Variants in NAV2 observed in about 807,000 individuals in gnomAD.
NAV2 encodes the protein helicase, APC down-regulated 1.
Under a neutral mutation model 223.2 loss-of-function variants are expected in NAV2, and 54 were observed. The ratio of observed to expected loss-of-function variants is 0.24; its 90% confidence interval spans 0.19 to 0.30. The LOEUF (loss-of-function observed/expected upper bound fraction) is 0.30. Among genes scored for constraint, NAV2 ranks in the 10% least tolerant of loss-of-function variants. The probability of loss-of-function intolerance (pLI) is 1.00; values close to 1 mark genes in which losing one functional copy is unlikely to be tolerated. For missense variants in NAV2, 2,806 were observed against 3,147.5 expected (o/e 0.89, Z 2.60); for synonymous variants, 1,279 against 1,239.3 (o/e 1.03, Z -0.67).
intron 1 of NAV2, among the ~76,000 whole-genome samples, chr11:19,700,427 C>A (rs2049477794): frequency 6.6e-6 from 1 of 152,160 alleles, no homozygotes; most frequent in African/African-American, 2.4e-5. Flanking sequence ...AGGAGGTGGG[C>A]CTTATTACCA....
At chr11:19,467,655 T>C (rs947108649) in intron 1 of NAV2, among the ~76,000 whole-genome samples, 16 of 152,336 alleles carry the variant, frequency 1.1e-4, no homozygotes, top group Non-Finnish European at 1.9e-4. Context: ...TGAGGATCTG[T>C]GGACCTCTCA....
chr11:19,367,272 T>G (rs1848319547), intron 1 of NAV2, among the ~76,000 whole-genome samples: 1 of 152,198 alleles, frequency 6.6e-6, no homozygotes, highest in South Asian at 2.1e-4. Flanking sequence ...AAACCTTCTC[T>G]GCCTCCCACT....
At chr11:19,496,521 A>G (rs1023947024) in intron 1 of NAV2, among the ~76,000 whole-genome samples, 2 of 152,178 alleles carry the variant, frequency 1.3e-5, no homozygotes, top group Middle Eastern at 3.2e-3. Context: ...TGCTAACAAC[A>G]TGGTAGCTGA....
chr11:20,103,126 T>C, intron 32 of NAV2, 129 bp from the exon 33 acceptor site: 1 of 838,780 alleles, frequency 1.2e-6, no homozygotes, highest in African/African-American at 1.7e-5. Context: ...CCAGAATGTG[T>C]TTACAGCGCA....
At chr11:19,474,498 G>A (rs2042059008) in intron 1 of NAV2, among the ~76,000 whole-genome samples, 1 of 152,220 alleles carries the variant, frequency 6.6e-6, no homozygotes, top group Non-Finnish European at 1.5e-5. Context: ...TTTATAAACA[G>A]GAAACAAAAG....
chr11:19,999,743 G>A (rs2052356644), intron 11 of NAV2, among the ~76,000 whole-genome samples: 1 of 152,200 alleles, frequency 6.6e-6, no homozygotes, highest in Non-Finnish European at 1.5e-5. Context: ...GTAGAGGTCA[G>A]TTAACCATCC....
intron 3 of NAV2, among the ~76,000 whole-genome samples, chr11:19,864,219 AC>A (rs1380109391): frequency 6.6e-6 from 1 of 152,124 alleles, no homozygotes; most frequent in African/African-American, 2.4e-5. Flanking sequence ...AAACTATTAA[AC>A]CATAAGAACT....
At chr11:19,537,846 CA>C (rs2044232341) in intron 1 of NAV2, among the ~76,000 whole-genome samples, 1 of 152,154 alleles carries the variant, frequency 6.6e-6, no homozygotes, top group African/African-American at 2.4e-5. Context: ...GTTTGTTTAT[CA>C]GTAAAATGGA....
chr11:19,887,853 C>A (rs180861584), intron 5 of NAV2, among the ~76,000 whole-genome samples: 2 of 152,252 alleles, frequency 1.3e-5, no homozygotes, highest in East Asian at 3.9e-4. Flanking sequence ...TGACCGCCCC[C>A]CGCCAAACCC....
intron 1 of NAV2, among the ~76,000 whole-genome samples, chr11:19,590,951 C>G (rs1391597457): frequency 6.6e-6 from 1 of 152,196 alleles, no homozygotes; most frequent in Non-Finnish European, 1.5e-5. Context: ...CACTTCAATA[C>G]AGACATACTG....
At chr11:19,989,413 T>C (rs908050463) in intron 11 of NAV2, among the ~76,000 whole-genome samples, 14 of 152,168 alleles carry the variant, frequency 9.2e-5, no homozygotes, top group Admixed American at 9.2e-4. Context: ...CAGATGCTCC[T>C]AGAGCCTCCA....
chr11:20,033,783 C>T (rs982120833), intron 11 of NAV2, among the ~76,000 whole-genome samples: 1 of 151,740 alleles, frequency 6.6e-6, no homozygotes, highest in African/African-American at 2.4e-5. Context: ...AGGCAGGTAT[C>T]TTCCAAGCTG....
At chr11:20,106,077 A>T (rs1409214752) in intron 35 of NAV2, among the ~76,000 whole-genome samples, 1 of 149,868 alleles carries the variant, frequency 6.7e-6, no homozygotes, top group Non-Finnish European at 1.5e-5. Flanking sequence ...GAGAAAAAAG[A>T]TCACTAACCA....
At chr11:19,779,143 G>A (rs892796699) in intron 1 of NAV2, among the ~76,000 whole-genome samples, 1 of 152,142 alleles carries the variant, frequency 6.6e-6, no homozygotes, top group African/African-American at 2.4e-5. Flanking sequence ...GGGTCTGCCT[G>A]AATCTTTAGA....
Position 19,939,684 on chromosome 11 carries a change from A to T in NAV2, c.2057A>T (p.Asn686Ile), listed in dbSNP as rs1403388001. ...AGGTCTCAGACGGACACTGAAGGGA[A>T]TGTTACTGCCGAGTCAAGCTCAACA... ...LYRSQTDTEG[N>I]VTAESSSTGV... is the part of the protein sequence containing the mutation. The change falls in exon 8 of 38, where the codon AAT becomes ATT. Residue 686 changes from asparagine to isoleucine, a missense_variant. This residue lies in a region of NAV2 where 1,167 missense variants were observed against 1,180.5 expected (regional missense o/e 0.99). Transcript: ENST00000349880. The T allele has an allele frequency of 6.2e-7, 1 of 1,614,100 alleles. No homozygotes were observed. The highest frequency in any genetic ancestry group is 8.5e-7 in the Non-Finnish European group (1 of 1,179,994).
chr11:19,585,907 C>A lies in NAV2; in HGVS notation c.75+234880C>A, dbSNP rs563110947. On this transcript the variant is annotated intron_variant, in intron 1 of 37. Coordinates refer to the NAV2 transcript ENST00000360655. ...ATGTTTGTGGCATTCTCTGTATTTCCTGAATTTGAATATTGGCCTGCCTTG... is the reference window on the plus strand; with the variant it reads ...ATGTTTGTGGCATTCTCTGTATTTCATGAATTTGAATATTGGCCTGCCTTG... 5.3e-5 allele frequency among the ~76,000 whole-genome samples: 8 copies of A among 152,188 alleles called. 1 individual carries two copies. Among genetic ancestry groups the A allele is most frequent in the African/African-American group, 1.9e-4 (8 of 41,498 alleles).
chr11:19,541,046 C>T (rs536027395), intron 1 of NAV2, among the ~76,000 whole-genome samples: 1 of 152,180 alleles, frequency 6.6e-6, no homozygotes, highest in Non-Finnish European at 1.5e-5. Flanking sequence ...TGGTACTTCT[C>T]AAGTATTTGT....
intron 1 of NAV2, among the ~76,000 whole-genome samples, chr11:19,749,746 T>C (rs2053652102): frequency 6.6e-6 from 1 of 152,224 alleles, no homozygotes; most frequent in Admixed American, 6.5e-5. Flanking sequence ...AAGCAATTTC[T>C]GGGATCACAG....
At chr11:20,057,142 C>A (rs1469892269) in intron 19 of NAV2, among the ~76,000 whole-genome samples, 1 of 151,986 alleles carries the variant, frequency 6.6e-6, no homozygotes, top group African/African-American at 2.4e-5. Flanking sequence ...TTCCCGGTCC[C>A]CATATGAGTA....
Sources: gnomAD v4.1 joint callset for allele counts (sites outside exome capture counted in the v4.1 genomes callset) on GRCh38, gnomAD v4.1.1 for gene constraint, gnomAD v4.1.1 regional missense constraint, MANE v1.5 for transcripts, NCBI Gene and HGNC (gene_info 2026-07-23, HGNC 2026-07-21) for gene names.